DHRSX: variants seen among roughly 807,000 people sequenced by gnomAD.
DHRSX encodes the protein dehydrogenase/reductase X-linked.
Under a neutral mutation model 34.0 loss-of-function variants are expected in DHRSX, and 31 were observed. That is an observed-to-expected ratio of 0.91 (90% confidence interval 0.69 to 1.23). DHRSX has a LOEUF of 1.23. DHRSX is among the 50% of genes most tolerant of loss of function. The pLI, the probability that DHRSX is intolerant of heterozygous loss-of-function variation, is 0.00. For missense variants in DHRSX, 414 were observed against 428.1 expected (o/e 0.97, Z 0.29); for synonymous variants, 201 against 183.8 (o/e 1.09, Z -0.76).
chrX:2,246,330 T>C (rs2016280581), intron 5 of DHRSX, among the ~76,000 whole-genome samples: 1 of 151,912 alleles, frequency 6.6e-6, no homozygotes, highest in Admixed American at 6.6e-5. Context: ...TAAATAAGAA[T>C]ACAATATTGA....
At chrX:2,230,191 C>G (rs1265624886) in intron 6 of DHRSX, among the ~76,000 whole-genome samples, 1 of 143,502 alleles carries the variant, frequency 7.0e-6, no homozygotes, top group Non-Finnish European at 1.5e-5. Context: ...GTGTTTGCAT[C>G]TATATGTGTG....
At chrX:2,478,079 G>A (rs73622917) in intron 1 of DHRSX, among the ~76,000 whole-genome samples, 23,844 of 145,872 alleles carry the variant, frequency 0.16, 1 homozygote, top group African/African-American at 0.3. Flanking sequence ...GGGCTGGGGA[G>A]CTGCAGTTCC....
At chrX:2,383,011 T>C (rs937095019) in intron 3 of DHRSX, among the ~76,000 whole-genome samples, 1 of 147,566 alleles carries the variant, frequency 6.8e-6, no homozygotes, top group African/African-American at 2.5e-5. Context: ...ATCACCAACA[T>C]CATTATCATT....
At chrX:2,360,913 C>T (rs1306012071) in intron 3 of DHRSX, among the ~76,000 whole-genome samples, 2 of 152,054 alleles carry the variant, frequency 1.3e-5, no homozygotes, top group Non-Finnish European at 1.5e-5. Flanking sequence ...CGAGAAATGG[C>T]ATGATGCTTT....
chrX:2,445,548 C>CGCT (rs2044119459), intron 1 of DHRSX, among the ~76,000 whole-genome samples: 1 of 152,036 alleles, frequency 6.6e-6, no homozygotes, highest in Non-Finnish European at 1.5e-5. Context: ...CCCAAGGGAC[C>CGCT]GCTGCCGTGG....
chrX:2,382,534 TCATCACCATCATCATCATCAC>T (rs1569495688), intron 3 of DHRSX, among the ~76,000 whole-genome samples: 6 of 84,418 alleles, frequency 7.1e-5, no homozygotes, highest in South Asian at 3.7e-4. Flanking sequence ...ATCACTACCA[TCATCACCATCATCATCATCAC>T]CATCACCATC....
At chrX:2,314,513 G>T (rs866354626) in intron 3 of DHRSX, among the ~76,000 whole-genome samples, 1 of 137,406 alleles carries the variant, frequency 7.3e-6, no homozygotes, top group African/African-American at 2.7e-5. Context: ...GTAAGGGAGG[G>T]AGGGAGGAAA....
intron 1 of DHRSX, among the ~76,000 whole-genome samples, chrX:2,440,756 T>C (rs2044052673): frequency 1.3e-5 from 2 of 152,144 alleles, no homozygotes; most frequent in Non-Finnish European, 2.9e-5. Context: ...TTGCCTACTT[T>C]TGAGGTTTTG....
intron 1 of DHRSX, among the ~76,000 whole-genome samples, chrX:2,486,044 A>G (rs1056905111): frequency 6.7e-6 from 1 of 149,340 alleles, no homozygotes; most frequent in Non-Finnish European, 1.5e-5. Flanking sequence ...GGTGATAAGG[A>G]GGCTGGGGGG....
chrX:2,312,868 A>G (rs1203715848), intron 3 of DHRSX, among the ~76,000 whole-genome samples: 3 of 152,168 alleles, frequency 2.0e-5, no homozygotes, highest in Non-Finnish European at 2.9e-5. Context: ...CCCATGGGCC[A>G]GATCCAATGT....
intron 5 of DHRSX, among the ~76,000 whole-genome samples, chrX:2,245,974 A>C (rs71205265): frequency 0.02 from 3,002 of 149,636 alleles, 94 homozygotes; most frequent in South Asian, 0.053. Flanking sequence ...AAAAAACAAA[A>C]AAACAAAAAA....
At chrX:2,390,646 G>A (rs897549265) in intron 3 of DHRSX, among the ~76,000 whole-genome samples, 5 of 151,918 alleles carry the variant, frequency 3.3e-5, no homozygotes, top group Admixed American at 2.0e-4. Flanking sequence ...CCTTTTCCTC[G>A]CCCAACCCCT....
chrX:2,253,578 A>G (rs776066102), intron 5 of DHRSX, among the ~76,000 whole-genome samples: 22 of 152,386 alleles, frequency 1.4e-4, no homozygotes, highest in African/African-American at 4.8e-4. Context: ...TGAGACAGGG[A>G]GACTGCCAAA....
At chrX:2,309,549 TAA>T (rs1256201010) in intron 3 of DHRSX, among the ~76,000 whole-genome samples, 3 of 152,192 alleles carry the variant, frequency 2.0e-5, no homozygotes, top group Non-Finnish European at 4.4e-5. Flanking sequence ...ATAAATGTGA[TAA>T]GTGTGTCCAT....
intron 5 of DHRSX, among the ~76,000 whole-genome samples, chrX:2,246,151 T>A (rs2016276505): frequency 6.6e-6 from 1 of 152,052 alleles, no homozygotes; most frequent in South Asian, 2.1e-4. Flanking sequence ...ATCTCAGATA[T>A]AGTTTGAATA....
intron 3 of DHRSX, among the ~76,000 whole-genome samples, chrX:2,346,755 C>T (rs1408053556): frequency 6.6e-6 from 1 of 151,882 alleles, no homozygotes; most frequent in African/African-American, 2.4e-5. Flanking sequence ...ACCTATCAAC[C>T]CGTCATCTAC....
chrX:2,344,105 T>C (rs1234802521), intron 3 of DHRSX, among the ~76,000 whole-genome samples: 3 of 152,220 alleles, frequency 2.0e-5, no homozygotes, highest in African/African-American at 7.2e-5. Flanking sequence ...CCTGGTTTTC[T>C]ATCTCTGACC....
intron 5 of DHRSX, among the ~76,000 whole-genome samples, chrX:2,248,377 G>A (rs2016347491): frequency 1.3e-5 from 2 of 150,246 alleles, no homozygotes; most frequent in African/African-American, 2.4e-5. Context: ...AGCTTGCAGT[G>A]AGTGGAGATT....
At chrX:2,236,041 C>T (rs976658961) in intron 6 of DHRSX, among the ~76,000 whole-genome samples, 6 of 151,014 alleles carry the variant, frequency 4.0e-5, no homozygotes, top group South Asian at 2.1e-4. Context: ...GAACCTGGGA[C>T]GCAGGGGTTG....
Sources: allele counts gnomAD v4.1 joint callset (sites outside exome capture counted in the v4.1 genomes callset), GRCh38; gene constraint gnomAD v4.1.1; transcripts MANE v1.5; gene names NCBI Gene and HGNC (gene_info 2026-07-23, HGNC 2026-07-21).